The following DPYD variants were observed in gnomAD, a reference collection of about 807,000 sequenced individuals.
DPYD encodes dihydropyrimidine dehydrogenase.
Under a neutral mutation model 116.2 loss-of-function variants are expected in DPYD, and 109 were observed. That is an observed-to-expected ratio of 0.94 (90% CI 0.80 to 1.10). The LOEUF (loss-of-function observed/expected upper bound fraction) is 1.10, where lower values mean the gene tolerates loss of function less well. Ranked by LOEUF, DPYD falls within the 50% of genes least tolerant of loss-of-function variation. DPYD has a pLI of 0.00. For synonymous variants in DPYD, 440 were observed against 432.0 expected, an observed-to-expected ratio of 1.02 and a Z score of -0.23; for missense variants, 1,302 against 1,254.5, an observed-to-expected ratio of 1.04 and a Z score of -0.57.
intron 20 of DPYD, among the ~76,000 whole-genome samples, chr1:97,182,517 T>C (rs527457927): frequency 2.0e-5 from 3 of 152,142 alleles, no homozygotes; most frequent in African/African-American, 4.8e-5. Flanking sequence ...ATATATTTTA[T>C]ATCAATCATT....
chr1:97,262,779 C>T (rs1663973404), intron 18 of DPYD, among the ~76,000 whole-genome samples: 1 of 151,956 alleles, frequency 6.6e-6, no homozygotes. Context: ...CTTAGGTCTA[C>T]AGCAGGTTCA....
intron 16 of DPYD, among the ~76,000 whole-genome samples, chr1:97,310,301 C>A (rs1667427335): frequency 6.6e-6 from 1 of 151,692 alleles, no homozygotes; most frequent in Non-Finnish European, 1.5e-5. Context: ...CCCAGAAGAT[C>A]AATCTGAGTA....
Position 97,307,409 on chromosome 1 carries a change from G to A in DPYD, c.2059-1112C>T, listed in dbSNP as rs189900148. On this transcript the variant is annotated intron_variant, in intron 16 of 22. Transcript: ENST00000370192. ...GTTGCTCTTTGCATTTTAACCTTTCGAATTCCTTTAAGATGAGATTTGTAA... is the reference window on the plus strand; with the variant it reads ...GTTGCTCTTTGCATTTTAACCTTTCAAATTCCTTTAAGATGAGATTTGTAA... Among the ~76,000 whole-genome samples, 557 of 151,758 alleles carry A rather than the reference G, an allele frequency of 3.7e-3. 2 individuals carry two copies. Among genetic ancestry groups the A allele is most frequent in the Middle Eastern group, 6.8e-3 (2 of 294 alleles).
intron 9 of DPYD, among the ~76,000 whole-genome samples, chr1:97,593,799 T>G (rs931906006): frequency 6.6e-6 from 1 of 152,246 alleles, no homozygotes; most frequent in Non-Finnish European, 1.5e-5. Context: ...TATAATACTT[T>G]TTTATGTATT....
chr1:97,456,838 G>A (rs1016703101), intron 13 of DPYD, among the ~76,000 whole-genome samples: 2 of 152,054 alleles, frequency 1.3e-5, no homozygotes, highest in African/African-American at 4.8e-5. Context: ...TTATCATTTA[G>A]TGAAATAAAA....
At chr1:97,584,856 A>T (rs1327061770) in intron 10 of DPYD, among the ~76,000 whole-genome samples, 1 of 150,722 alleles carries the variant, frequency 6.6e-6, no homozygotes, top group Non-Finnish European at 1.5e-5. Flanking sequence ...GCTAAATGAC[A>T]AGTTAATGGG....
chr1:97,172,269 A>G (rs1656776014), intron 20 of DPYD, among the ~76,000 whole-genome samples: 1 of 152,196 alleles, frequency 6.6e-6, no homozygotes, highest in South Asian at 2.1e-4. Context: ...AAAATGCTTC[A>G]TAAGCTGATC....
chr1:97,621,466 ATATG>A (rs1457363754), intron 8 of DPYD, among the ~76,000 whole-genome samples: 1 of 152,172 alleles, frequency 6.6e-6, no homozygotes, highest in Non-Finnish European at 1.5e-5. Flanking sequence ...GGTTAAAGAA[ATATG>A]TATGTATTAG....
intron 3 of DPYD, among the ~76,000 whole-genome samples, chr1:97,800,604 C>T: frequency 6.6e-6 from 1 of 151,954 alleles, no homozygotes; most frequent in Non-Finnish European, 1.5e-5. Flanking sequence ...CCTTCTTCCT[C>T]ACCAGATAAC....
At chr1:97,781,437 C>T (rs1666739145) in intron 3 of DPYD, among the ~76,000 whole-genome samples, 1 of 152,122 alleles carries the variant, frequency 6.6e-6, no homozygotes, top group African/African-American at 2.4e-5. Flanking sequence ...TATATGCATC[C>T]ATTGAGCACC....
At chr1:97,426,304 T>C (rs1377933583) in intron 14 of DPYD, among the ~76,000 whole-genome samples, 3 of 152,086 alleles carry the variant, frequency 2.0e-5, no homozygotes, top group South Asian at 4.1e-4. Context: ...GAGCTGTCTA[T>C]GGAAGAAAGT....
At chr1:97,100,114 A>G (rs1191516851) in intron 20 of DPYD, among the ~76,000 whole-genome samples, 1 of 152,100 alleles carries the variant, frequency 6.6e-6, no homozygotes, top group Non-Finnish European at 1.5e-5. Context: ...AAATGATAGG[A>G]TGGAGGGAGA....
At chr1:97,795,033 T>C (rs1667496875) in intron 3 of DPYD, among the ~76,000 whole-genome samples, 1 of 152,022 alleles carries the variant, frequency 6.6e-6, no homozygotes, top group South Asian at 2.1e-4. Context: ...AGAGAACAAA[T>C]AAGAGTAGGA....
intron 12 of DPYD, among the ~76,000 whole-genome samples, chr1:97,534,421 A>G (rs1277325658): frequency 6.6e-6 from 1 of 152,186 alleles, no homozygotes; most frequent in Non-Finnish European, 1.5e-5. Flanking sequence ...GAACTCAAAA[A>G]AAGAGAAAAG....
At chr1:97,147,097 C>G (rs1393028754) in intron 20 of DPYD, among the ~76,000 whole-genome samples, 1 of 152,144 alleles carries the variant, frequency 6.6e-6, no homozygotes, top group Middle Eastern at 3.2e-3. Flanking sequence ...CGCCTGTAAT[C>G]CCAGCACTTT....
intron 3 of DPYD, among the ~76,000 whole-genome samples, chr1:97,779,850 C>A (rs1666634306): frequency 6.6e-6 from 1 of 152,066 alleles, no homozygotes; most frequent in South Asian, 2.1e-4. Context: ...ACAACTAGAA[C>A]CAACTCTAAC....
rs548081911 is a variant in DPYD at position 97,745,836 on chromosome 1, C to A, written c.234-5357G>T. Among the ~76,000 whole-genome samples, 9 of 152,134 alleles carry A rather than the reference C, an allele frequency of 5.9e-5. No individual in the cohort carries two copies. In the East Asian group the frequency reaches 7.7e-4, roughly 13 times the overall value. ...CACCCAGGACTATCCCATCTACGTACAAAAACAGGTTAGAATTTTAAAAGG... is the reference window on the plus strand; with the variant it reads ...CACCCAGGACTATCCCATCTACGTAAAAAAACAGGTTAGAATTTTAAAAGG... On this transcript the variant is annotated intron_variant, in intron 3 of 22. Coordinates refer to ENST00000370192, the MANE Select transcript of DPYD (RefSeq NM_000110.4).
intron 16 of DPYD, among the ~76,000 whole-genome samples, chr1:97,315,989 G>C (rs955321467): frequency 1.3e-5 from 2 of 151,966 alleles, no homozygotes; most frequent in Non-Finnish European, 1.5e-5. Flanking sequence ...TTGATCTTTT[G>C]ATTCAGAACT....
intron 12 of DPYD, among the ~76,000 whole-genome samples, chr1:97,516,579 A>G (rs1648251492): frequency 6.6e-6 from 1 of 152,042 alleles, no homozygotes; most frequent in Non-Finnish European, 1.5e-5. Flanking sequence ...AATAGGTCCC[A>G]AATAGTTTAC....
Sources: allele counts gnomAD v4.1 joint callset (sites outside exome capture counted in the v4.1 genomes callset), GRCh38; gene constraint gnomAD v4.1.1; transcripts MANE v1.5; gene names NCBI Gene and HGNC (gene_info 2026-07-23, HGNC 2026-07-21).